Variants in C1orf21 observed in about 807,000 individuals in gnomAD.
The protein encoded by C1orf21 is uncharacterized protein C1orf21.
C1orf21 carries 3 observed loss-of-function variants against 18.7 expected under a neutral mutation model. The observed-to-expected ratio is 0.16, with a 90% CI of 0.07 to 0.42. The LOEUF is 0.42. Ranked by LOEUF, C1orf21 falls within the 10% of genes least tolerant of loss-of-function variation. The probability of loss-of-function intolerance (pLI) is 0.99; values close to 1 mark genes in which losing one functional copy is unlikely to be tolerated. For synonymous variants in C1orf21, 41 were observed against 46.4 expected (o/e 0.88, Z 0.47); for missense variants, 104 against 143.6 (o/e 0.72, Z 1.41).
intron 3 of C1orf21, among the ~76,000 whole-genome samples, chr1:184,521,131 C>T (rs950399208): frequency 5.3e-5 from 8 of 152,116 alleles, no homozygotes; most frequent in East Asian, 1.9e-4. Context: ...GACCTCCACT[C>T]GCCTCGGCCT....
Position 184,464,877 on chromosome 1 carries a change from G to A in C1orf21, c.-124-12509G>A, listed in dbSNP as rs191241725. ...CGGGTCAACAGGGCTGGGTCCTGGGGGACCCCTAGTAAGTTATCTAAACTC... is the reference window on the plus strand; with the variant it reads ...CGGGTCAACAGGGCTGGGTCCTGGGAGACCCCTAGTAAGTTATCTAAACTC... On this transcript the variant is annotated intron_variant, in intron 1 of 5. Transcript: ENST00000235307. Among the ~76,000 whole-genome samples, 358 of 152,256 alleles carry A rather than the reference G, an allele frequency of 2.4e-3. 2 individuals are homozygous for A. The highest frequency in any genetic ancestry group is 8.2e-3 in the African/African-American group (341 of 41,556).
chr1:184,574,356 A>G lies in C1orf21; in HGVS notation c.190-16383A>G, dbSNP rs113800959. Among the ~76,000 whole-genome samples, 1,183 of 152,378 alleles carry G rather than the reference A, an allele frequency of 7.8e-3. 22 individuals are homozygous for G. The highest frequency in any genetic ancestry group is 0.024 in the African/African-American group (1,014 of 41,590). ...TTTCATGAAATGTGCATATGGAAAAAGTAATACTTTTAAATATGATTTTCA... is the reference window on the plus strand; with the variant it reads ...TTTCATGAAATGTGCATATGGAAAAGGTAATACTTTTAAATATGATTTTCA... On this transcript the variant is annotated intron_variant, in intron 3 of 5. Coordinates refer to ENST00000235307, the MANE Select transcript of C1orf21 (RefSeq NM_030806.4).
At chr1:184,560,732 C>T (rs950034487) in intron 3 of C1orf21, among the ~76,000 whole-genome samples, 3 of 152,154 alleles carry the variant, frequency 2.0e-5, no homozygotes, top group Admixed American at 1.3e-4. Flanking sequence ...CCAGAATCCT[C>T]CAATGTGACA....
At chr1:184,565,757 G>A (rs1017378743) in intron 3 of C1orf21, among the ~76,000 whole-genome samples, 2 of 152,214 alleles carry the variant, frequency 1.3e-5, no homozygotes, top group Non-Finnish European at 2.9e-5. Flanking sequence ...TTAAAGTCCT[G>A]CATATTAAAC....
At chr1:184,466,867 T>C (rs1657406929) in intron 1 of C1orf21, among the ~76,000 whole-genome samples, 1 of 152,158 alleles carries the variant, frequency 6.6e-6, no homozygotes, top group Admixed American at 6.5e-5. Flanking sequence ...TAGTGGAATG[T>C]TGAGGACTAA....
intron 3 of C1orf21, among the ~76,000 whole-genome samples, chr1:184,580,481 A>G (rs181203076): frequency 3.7e-4 from 56 of 152,346 alleles, no homozygotes; most frequent in Middle Eastern, 6.8e-3. Flanking sequence ...TCTGCTGTTA[A>G]TCATTGGTCC....
chr1:184,498,201 G>C (rs976253721), intron 2 of C1orf21, among the ~76,000 whole-genome samples: 3 of 152,182 alleles, frequency 2.0e-5, no homozygotes, highest in Admixed American at 1.3e-4. Context: ...AGGTGGCTTG[G>C]GGGTGGGGGC....
rs956155277 is a variant in C1orf21, at chr1:184,387,954, G to A, written c.-125+586G>A. 3.9e-5 allele frequency among the ~76,000 whole-genome samples: 6 copies of A among 152,088 alleles called. No homozygotes were observed. Among genetic ancestry groups the A allele is most frequent in the Admixed American group, 1.3e-4 (2 of 15,278 alleles). On this transcript the variant is annotated intron_variant, in intron 1 of 5. Coordinates refer to ENST00000235307, the MANE Select transcript of C1orf21 (RefSeq NM_030806.4). The surrounding 1 kb of genome is among the most constrained non-coding windows in gnomAD (Gnocchi z 5.6). ...TTCGTTGCATCTGTTTGCCCACCTCGGTGTATTTATTATTCGTGCCCATGC... is the reference window on the plus strand; with the variant it reads ...TTCGTTGCATCTGTTTGCCCACCTCAGTGTATTTATTATTCGTGCCCATGC...
chr1:184,607,395 A>G (rs1659662430), intron 5 of C1orf21, among the ~76,000 whole-genome samples: 1 of 152,206 alleles, frequency 6.6e-6, no homozygotes, highest in African/African-American at 2.4e-5. Flanking sequence ...ATTTGTAGGC[A>G]TAATATATAA....
At chr1:184,512,558 C>A (rs1658165731) in intron 3 of C1orf21, among the ~76,000 whole-genome samples, 2 of 152,184 alleles carry the variant, frequency 1.3e-5, no homozygotes, top group African/African-American at 4.8e-5. Context: ...TGCTTAATGT[C>A]ATATATTCCA....
At chr1:184,463,382 T>C (rs1277834533) in intron 1 of C1orf21, among the ~76,000 whole-genome samples, 1 of 152,200 alleles carries the variant, frequency 6.6e-6, no homozygotes, top group Non-Finnish European at 1.5e-5. Context: ...TTGAAAACCT[T>C]TATTCAGAGA....
At chr1:184,598,521 G>A (rs1659547263) in intron 5 of C1orf21, 60 bp downstream of exon 5, 2 of 1,435,558 alleles carry the variant, frequency 1.4e-6, no homozygotes, top group Admixed American at 1.9e-5. Context: ...GGCTTCATAT[G>A]TGAGGGCAAT....
At chr1:184,424,031 AATT>A (rs1298696020) in intron 1 of C1orf21, among the ~76,000 whole-genome samples, 1 of 152,170 alleles carries the variant, frequency 6.6e-6, no homozygotes, top group Non-Finnish European at 1.5e-5. Flanking sequence ...ATTATTGAAT[AATT>A]ATTATTGTTG....
chr1:184,604,638 C>T (rs1409325230), intron 5 of C1orf21, among the ~76,000 whole-genome samples: 1 of 152,190 alleles, frequency 6.6e-6, no homozygotes, highest in Non-Finnish European at 1.5e-5. Flanking sequence ...GGATGTGACT[C>T]AGTCTGTTTT....
At chr1:184,571,020 G>A (rs1464035762) in intron 3 of C1orf21, among the ~76,000 whole-genome samples, 2 of 152,106 alleles carry the variant, frequency 1.3e-5, no homozygotes, top group Non-Finnish European at 2.9e-5. Context: ...AAGGCCGGGC[G>A]CGGTGGCTCA....
At chr1:184,409,623 A>C (rs975178996) in intron 1 of C1orf21, among the ~76,000 whole-genome samples, 1 of 152,200 alleles carries the variant, frequency 6.6e-6, no homozygotes, top group South Asian at 2.1e-4. Flanking sequence ...TTTGGTCTAC[A>C]TGTCCTGCCT....
chr1:184,507,820 G>A (rs1658086688), intron 3 of C1orf21, 138 bp downstream of exon 3: 3 of 660,510 alleles, frequency 4.5e-6, no homozygotes, highest in Middle Eastern at 3.7e-4. Flanking sequence ...AGCTTGCCTG[G>A]AAGCTGCACC....
intron 2 of C1orf21, among the ~76,000 whole-genome samples, chr1:184,505,770 A>G (rs1658051675): frequency 6.6e-6 from 1 of 152,116 alleles, no homozygotes; most frequent in East Asian, 1.9e-4. Context: ...CTGAAAAAAC[A>G]AACAAACAAA....
intron 3 of C1orf21, among the ~76,000 whole-genome samples, chr1:184,551,838 C>T (rs1477977709): frequency 3.3e-5 from 5 of 151,652 alleles, no homozygotes; most frequent in Non-Finnish European, 7.4e-5. Flanking sequence ...AAGACCACAT[C>T]TCTACAAAAA....
Sources: allele counts gnomAD v4.1 joint callset (sites outside exome capture counted in the v4.1 genomes callset), GRCh38; gene constraint gnomAD v4.1.1; non-coding constraint Gnocchi (gnomAD v3.1); transcripts MANE v1.5; gene names NCBI Gene and HGNC (gene_info 2026-07-23, HGNC 2026-07-21).